The following LARP1B variants were observed in gnomAD, a reference collection of about 807,000 sequenced individuals.
LARP1B encodes the protein la-related protein 1B.
LARP1B carries 76 observed loss-of-function variants against 114.2 expected under a neutral mutation model. That is an observed-to-expected ratio of 0.67 (90% CI 0.55 to 0.81). The LOEUF (loss-of-function observed/expected upper bound fraction) is 0.81, where lower values mean the gene tolerates loss of function less well. LARP1B is among the 30% of genes least tolerant of loss of function. The probability of loss-of-function intolerance (pLI) is 0.00; values close to 1 mark genes in which losing one functional copy is unlikely to be tolerated. For synonymous variants in LARP1B, 345 were observed against 348.0 expected, an observed-to-expected ratio of 0.99 and a Z score of 0.10; for missense variants, 1,014 against 1,075.8, an observed-to-expected ratio of 0.94 and a Z score of 0.80.
chr4:128,207,154 A>C (rs1561576228), intron 18 of LARP1B, 102 bp from the exon 19 acceptor site: 4 of 502,358 alleles, frequency 8.0e-6, no homozygotes, highest in Non-Finnish European at 1.3e-5. Flanking sequence ...GAGTAAGCAT[A>C]TATTGGAAGA....
chr4:128,212,322 G>T (rs1000437487), downstream of LARP1B, among the ~76,000 whole-genome samples: 4 of 152,092 alleles, frequency 2.6e-5, no homozygotes, highest in African/African-American at 9.7e-5. Flanking sequence ...TTGAACTTTG[G>T]CTGTGGCTAG....
At chr4:128,113,781 CTTTTT>C in intron 9 of LARP1B, among the ~76,000 whole-genome samples, 1 of 114,238 alleles carries the variant, frequency 8.8e-6, no homozygotes, top group East Asian at 2.6e-4. Flanking sequence ...GACATTTACT[CTTTTT>C]TTTTTTTTTT....
chr4:128,158,645 A>T (rs1330885486), intron 11 of LARP1B, among the ~76,000 whole-genome samples: 2 of 152,220 alleles, frequency 1.3e-5, no homozygotes, highest in African/African-American at 4.8e-5. Flanking sequence ...ATCAGCAAAT[A>T]TACTCAAGCT....
intron 8 of LARP1B, among the ~76,000 whole-genome samples, chr4:128,102,847 TATA>T (rs1207688171): frequency 6.6e-6 from 1 of 152,198 alleles, no homozygotes; most frequent in African/African-American, 2.4e-5. Context: ...GAATAATTAA[TATA>T]ATATCAGCCT....
intron 11 of LARP1B, among the ~76,000 whole-genome samples, chr4:128,126,603 A>T (rs1789704321): frequency 6.6e-6 from 1 of 152,218 alleles, no homozygotes; most frequent in Admixed American, 6.5e-5. Flanking sequence ...GATTAGCAAC[A>T]GATTAGACAG....
At chr4:128,122,445 T>TTG (rs1213696774) in intron 11 of LARP1B, 44 of 1,449,992 alleles carry the variant, frequency 3.0e-5, no homozygotes, top group Admixed American at 5.2e-5. Flanking sequence ...CTTGTTTTTT[T>TTG]TTTTTTTTGT....
intron 8 of LARP1B, among the ~76,000 whole-genome samples, chr4:128,099,290 C>CTTTTT (rs368079786): frequency 1.5e-5 from 2 of 137,246 alleles, no homozygotes; most frequent in African/African-American, 2.7e-5. Context: ...TTTTTTCTTT[C>CTTTTT]TTTTTTTTTT....
chr4:128,124,002 C>G (rs1481356128), intron 11 of LARP1B: 1 of 152,126 alleles, frequency 6.6e-6, no homozygotes, highest in Non-Finnish European at 1.5e-5. Context: ...TAACTCATCC[C>G]CTTTGGTTCT....
At chr4:128,126,822 T>TAAAA (rs774845131) in intron 11 of LARP1B, among the ~76,000 whole-genome samples, 1 of 150,284 alleles carries the variant, frequency 6.7e-6, no homozygotes, top group African/African-American at 2.4e-5. Context: ...GTTTTTTTTT[T>TAAAA]AAAAAAAGGT....
chr4:128,195,278 AATCT>A (rs1753704233), intron 15 of LARP1B, among the ~76,000 whole-genome samples: 1 of 152,172 alleles, frequency 6.6e-6, no homozygotes, highest in Non-Finnish European at 1.5e-5. Flanking sequence ...TTCTTTTACT[AATCT>A]AAGTATTCGA....
chr4:128,181,086 T>C (rs1452059250), intron 15 of LARP1B, among the ~76,000 whole-genome samples: 1 of 152,194 alleles, frequency 6.6e-6, no homozygotes, highest in Non-Finnish European at 1.5e-5. Flanking sequence ...AGTCTGATAA[T>C]GTGTTGTTTA....
chr4:128,068,029 C>T (rs1311250822), intron 1 of LARP1B, among the ~76,000 whole-genome samples: 5 of 151,808 alleles, frequency 3.3e-5, no homozygotes, highest in South Asian at 2.1e-4. Flanking sequence ...TACAGGCGCC[C>T]GCCACCTTGC....
chr4:128,077,916 A>G lies in LARP1B; in HGVS notation c.171A>G (p.Glu57=), dbSNP rs1329222345. The change falls in exon 4 of 20, where the codon GAA becomes GAG. Residue 57 remains glutamate (E), a synonymous_variant. Transcript: ENST00000326639. ...AAACAAAATTAAATGGTCCTGGTGA[A>G]AACGTCAGTGAGGATGAGGCTCAGT... is the stretch of plus-strand genomic sequence containing the variant. ...NRETKLNGPG[E]NVSEDEAQSS... The G allele has an allele frequency of 6.2e-7, 1 of 1,612,766 alleles. No individual in the cohort carries two copies. The highest frequency in any genetic ancestry group is 8.5e-7 in the Non-Finnish European group (1 of 1,179,602).
At chr4:128,207,933 T>C (rs967700104) in intron 19 of LARP1B, among the ~76,000 whole-genome samples, 8 of 152,240 alleles carry the variant, frequency 5.3e-5, no homozygotes, top group African/African-American at 1.9e-4. Context: ...GTTGAACTTA[T>C]ATAGGCTTTA....
chr4:128,156,863 T>TAAAAAAAAAAAAAAAAAA (rs56753518), intron 11 of LARP1B, among the ~76,000 whole-genome samples: 1 of 80,782 alleles, frequency 1.2e-5, no homozygotes. Context: ...GGCTTGAAGC[T>TAAAAAAAAAAAAAAAAAA]AAAAAAAAAA....
chr4:128,091,127 G>A lies in LARP1B; in HGVS notation c.485G>A (p.Gly162Asp), dbSNP rs1387509043. The stretch of plus-strand genomic sequence containing the variant: ...GGCCGAGGACGGGGAAGAGGACGAG[G>A]CAGAGGAAATCCTCGATGTATGACA... ...GRGRGRGRGRGRGNPRLNFDY... is the reference protein window; with the variant it reads ...GRGRGRGRGRDRGNPRLNFDY... Residue 162 changes from glycine (G) to aspartate (D), a missense_variant, in exon 6 of 20, where the codon GGC becomes GAC. By Grantham distance (94) the Gly-to-Asp change is moderately conservative. Coordinates refer to ENST00000326639, the MANE Select transcript of LARP1B (RefSeq NM_018078.4). 6.2e-7 allele frequency: 1 copy of A among 1,612,558 alleles called. No homozygotes were observed. The highest frequency in any genetic ancestry group is 1.3e-5 in the African/African-American group (1 of 74,798).
At chr4:128,191,882 A>C (rs1752411373) in intron 15 of LARP1B, among the ~76,000 whole-genome samples, 1 of 152,128 alleles carries the variant, frequency 6.6e-6, no homozygotes, top group Admixed American at 6.6e-5. Flanking sequence ...TCCAATGAAG[A>C]AGCTGAGTCT....
intron 12 of LARP1B, among the ~76,000 whole-genome samples, chr4:128,175,740 C>G (rs994015918): frequency 6.6e-6 from 1 of 152,136 alleles, no homozygotes; most frequent in South Asian, 2.1e-4. Context: ...CCATTTCGGT[C>G]GTTGTTTTCA....
chr4:128,081,646 C>T (rs145892249), intron 4 of LARP1B, among the ~76,000 whole-genome samples: 21 of 152,174 alleles, frequency 1.4e-4, no homozygotes, highest in African/African-American at 5.1e-4. Context: ...ACTCTCTTTA[C>T]AAGGTTTTTT....
Sources: allele counts gnomAD v4.1 joint callset (sites outside exome capture counted in the v4.1 genomes callset), GRCh38; gene constraint gnomAD v4.1.1; transcripts MANE v1.5; gene names NCBI Gene and HGNC (gene_info 2026-07-23, HGNC 2026-07-21).